MAP7: variants seen among roughly 807,000 people sequenced by gnomAD.
MAP7 encodes microtubule associated protein 7.
A neutral mutation model predicts 94.8 loss-of-function variants in MAP7; 52 were observed. The observed-to-expected ratio is 0.55, with a 90% CI of 0.44 to 0.69. MAP7 has a LOEUF of 0.69. MAP7 is among the 30% of genes least tolerant of loss of function. MAP7 has a pLI of 0.00. For synonymous variants in MAP7, 350 were observed against 357.0 expected (o/e 0.98, Z 0.22); for missense variants, 940 against 964.6 (o/e 0.97, Z 0.34).
chr6:136,513,019 G>A (rs1823727308), intron 1 of MAP7, among the ~76,000 whole-genome samples: 1 of 151,858 alleles, frequency 6.6e-6, no homozygotes, highest in Non-Finnish European at 1.5e-5. Context: ...GTTTTGTTTT[G>A]TTTTTGGTAG....
chr6:136,449,183 T>C (rs911518100), intron 1 of MAP7, among the ~76,000 whole-genome samples: 10 of 151,988 alleles, frequency 6.6e-5, no homozygotes, highest in African/African-American at 2.4e-4. Flanking sequence ...TAGTCCCAGC[T>C]ACTGGGGAGG....
At chr6:136,377,943 T>C (rs1776710422) in intron 6 of MAP7, 75 bp from the exon 7 acceptor site, 2 of 1,073,828 alleles carry the variant, frequency 1.9e-6, no homozygotes, top group Non-Finnish European at 2.8e-6. Context: ...ATCGTACCTA[T>C]TGCTTCCATA....
intron 1 of MAP7, among the ~76,000 whole-genome samples, chr6:136,492,106 G>C (rs1361062729): frequency 1.3e-5 from 2 of 152,206 alleles, no homozygotes; most frequent in Non-Finnish European, 2.9e-5. Context: ...GGGGCAGGGG[G>C]TGGGGGGAGA....
chr6:136,540,626 G>T (rs574763974), intron 1 of MAP7, among the ~76,000 whole-genome samples: 1 of 152,292 alleles, frequency 6.6e-6, no homozygotes, highest in Non-Finnish European at 1.5e-5. Flanking sequence ...TAGACTTAGG[G>T]CAATTGCTAT....
At chr6:136,495,792 C>G (rs574636781) in intron 1 of MAP7, among the ~76,000 whole-genome samples, 1 of 152,124 alleles carries the variant, frequency 6.6e-6, no homozygotes, top group South Asian at 2.1e-4. Context: ...ATAGATTTTG[C>G]TAGGGAAATA....
rs1268632117 is a variant in MAP7 at position 136,361,147 on chromosome 6, G to A, written c.1559C>T (p.Ala520Val). 1 of 1,604,728 alleles carries A rather than the reference G, an allele frequency of 6.2e-7. No individual in the cohort carries two copies. Among genetic ancestry groups the A allele is most frequent in the South Asian group, 1.1e-5 (1 of 91,086 alleles). The change falls in exon 12 of 18, where the codon GCT becomes GTT. Residue 520 changes from alanine to valine, a missense_variant. By Grantham distance (64) the Ala-to-Val change is moderately conservative (BLOSUM62 0). Transcript: ENST00000354570. ...CTCACGGCGAGTCGTCCTCTCTTCA[G>A]CCACACGTTGAGCCAATTCCTCTCT... ...QKREELAQRVAEERTTRREEE... is the reference protein window; with the variant it reads ...QKREELAQRVVEERTTRREEE...
chr6:136,464,681 CT>C (rs2128922475), intron 1 of MAP7, among the ~76,000 whole-genome samples: 1 of 152,258 alleles, frequency 6.6e-6, no homozygotes, highest in Admixed American at 6.5e-5. Context: ...AAAACCATAT[CT>C]TTTTGGTCAT....
At chr6:136,424,593 TA>T (rs765876405) in intron 1 of MAP7, among the ~76,000 whole-genome samples, 6 of 152,344 alleles carry the variant, frequency 3.9e-5, no homozygotes, top group Admixed American at 2.0e-4. Context: ...GCAGCTCCAG[TA>T]AGTGCTGCAA....
intron 1 of MAP7, among the ~76,000 whole-genome samples, chr6:136,429,962 AACATGAATAATGTTTACG>A (rs1417683860): frequency 1.3e-5 from 2 of 152,198 alleles, no homozygotes; most frequent in African/African-American, 4.8e-5. Flanking sequence ...CCTGCCCCAC[AACATGAATAATGTTTACG>A]ACTAAGCAAA....
At chr6:136,357,951 T>C (rs1791468085) in intron 15 of MAP7, among the ~76,000 whole-genome samples, 1 of 152,140 alleles carries the variant, frequency 6.6e-6, no homozygotes, top group East Asian at 1.9e-4. Context: ...TGAGAAAACA[T>C]ATGATAGGTC....
At chr6:136,357,125 G>A (rs575074242) in intron 15 of MAP7, among the ~76,000 whole-genome samples, 1 of 152,290 alleles carries the variant, frequency 6.6e-6, no homozygotes, top group South Asian at 2.1e-4. Context: ...AACTGATAAA[G>A]ATAGCAGTAA....
intron 15 of MAP7, 134 bp downstream of exon 15, chr6:136,359,686 A>G: frequency 2.5e-6 from 2 of 787,700 alleles, no homozygotes; most frequent in East Asian, 2.5e-5. Flanking sequence ...ACTCGATGAC[A>G]GACCCCTAAG....
At chr6:136,520,931 A>C (rs531099379) in intron 1 of MAP7, among the ~76,000 whole-genome samples, 10 of 152,226 alleles carry the variant, frequency 6.6e-5, no homozygotes, top group Non-Finnish European at 1.3e-4. Flanking sequence ...TAGGTAGTCT[A>C]GGTGCCATGC....
intron 1 of MAP7, among the ~76,000 whole-genome samples, chr6:136,439,466 G>A (rs954751235): frequency 6.6e-6 from 1 of 152,092 alleles, no homozygotes; most frequent in Non-Finnish European, 1.5e-5. Flanking sequence ...CTAGTCTCAG[G>A]TTTTTGTTAT....
intron 1 of MAP7, among the ~76,000 whole-genome samples, chr6:136,453,164 G>A (rs1393832940): frequency 6.6e-6 from 1 of 152,160 alleles, no homozygotes; most frequent in Non-Finnish European, 1.5e-5. Context: ...CTTGCCAACT[G>A]AGAACTCGGG....
chr6:136,423,803 G>A (rs142306936), intron 1 of MAP7, among the ~76,000 whole-genome samples: 3 of 116,628 alleles, frequency 2.6e-5, no homozygotes, highest in Non-Finnish European at 3.7e-5. Context: ...TTGTTTTTTT[G>A]TTTTGTTTTT....
At chr6:136,489,526 C>CTTTTTT (rs1164047042) in intron 1 of MAP7, among the ~76,000 whole-genome samples, 11 of 102,988 alleles carry the variant, frequency 1.1e-4, no homozygotes, top group Non-Finnish European at 1.4e-4. Context: ...CATCAGGTTT[C>CTTTTTT]TTTTTTTTTT....
At chr6:136,352,509 T>C (rs139440208) in intron 16 of MAP7, among the ~76,000 whole-genome samples, 82 of 152,306 alleles carry the variant, frequency 5.4e-4, no homozygotes, top group Non-Finnish European at 1.0e-3. Flanking sequence ...GAATTCTCTT[T>C]CTTTTTTCCT....
chr6:136,493,768 T>C (rs1240643666), intron 1 of MAP7, among the ~76,000 whole-genome samples: 5 of 152,208 alleles, frequency 3.3e-5, no homozygotes, highest in Admixed American at 3.3e-4. Flanking sequence ...TTCAAAACTC[T>C]CAGACATATG....
Sources: gnomAD v4.1 joint callset for allele counts (sites outside exome capture counted in the v4.1 genomes callset) on GRCh38, gnomAD v4.1.1 for gene constraint, MANE v1.5 for transcripts, NCBI Gene and HGNC (gene_info 2026-07-23, HGNC 2026-07-21) for gene names.